FRMD3: variants seen among roughly 807,000 people sequenced by gnomAD.
The protein encoded by FRMD3 is FERM domain-containing protein 3.
Under a neutral mutation model 70.2 loss-of-function variants are expected in FRMD3, and 33 were observed. The observed-to-expected ratio is 0.47, with a 90% CI of 0.36 to 0.63. The LOEUF (loss-of-function observed/expected upper bound fraction) is 0.63, where lower values mean the gene tolerates loss of function less well. Ranked by LOEUF, FRMD3 falls within the 20% of genes least tolerant of loss-of-function variation. The pLI is 0.00. For synonymous variants in FRMD3, 279 were observed against 255.9 expected, an observed-to-expected ratio of 1.09 and a Z score of -0.86; for missense variants, 632 against 711.4, an observed-to-expected ratio of 0.89 and a Z score of 1.27.
At chr9:83,550,723 T>C in the FRMD3 span, among the ~76,000 whole-genome samples, 19 of 150,496 alleles carry the variant, frequency 1.3e-4, no homozygotes, top group South Asian at 2.1e-4. Flanking sequence ...TGTGTGTGTG[T>C]GCATTCATGT....
rs375002917 is a variant in FRMD3, at chr9:83,248,194, A to T, written c.1518T>A (p.Arg506=). 7.7e-5 allele frequency: 124 copies of T among 1,614,090 alleles called. No individual in the cohort carries two copies. Among genetic ancestry groups the T allele is most frequent in the Non-Finnish European group, 1.0e-4 (121 of 1,180,044 alleles). The part of the protein sequence containing the change: ...AEEEELKEAR[R]ALSWSYDILT... The stretch of plus-strand genomic sequence containing the variant: ...GAATGTCATAGCTCCACGACAAAGC[A>T]CGGCGAGCCTCCTTCAGCTCCTCTT... The change falls in exon 14 of 14, where the codon CGT becomes CGA. Residue 506 remains arginine, a synonymous_variant. Coordinates refer to ENST00000304195, the MANE Select transcript of FRMD3 (RefSeq NM_174938.6).
In FRMD3 at chr9:83,518,891, A is replaced by G. The variant is rs1829510796; in HGVS notation, c.147+19194T>C. On this transcript the variant is annotated intron_variant, in intron 1 of 13. Coordinates refer to ENST00000304195, the MANE Select transcript of FRMD3 (RefSeq NM_174938.6). The stretch of plus-strand genomic sequence containing the variant: ...AACCTGACAAAAACAAGCAACGGGG[A>G]AAGGATTCCCTATTTAATAAATGAT... Among the ~76,000 whole-genome samples the G allele has an allele frequency of 2.0e-5, 3 of 152,250 alleles. No homozygotes were observed. In the South Asian group the frequency reaches 6.2e-4, roughly 32 times the overall value.
At chr9:83,462,263 G>A (rs1453253969) in intron 1 of FRMD3, among the ~76,000 whole-genome samples, 1 of 152,158 alleles carries the variant, frequency 6.6e-6, no homozygotes, top group Non-Finnish European at 1.5e-5. Flanking sequence ...GGGCTGGAAG[G>A]AAATTTGATC....
At chr9:83,290,207 C>T (rs1445978749) in intron 13 of FRMD3, among the ~76,000 whole-genome samples, 1 of 152,144 alleles carries the variant, frequency 6.6e-6, no homozygotes, top group African/African-American at 2.4e-5. Flanking sequence ...AATATGGCAG[C>T]CACCAGCCAC....
chr9:83,337,216 C>A (rs986917798), intron 5 of FRMD3, among the ~76,000 whole-genome samples: 2 of 152,114 alleles, frequency 1.3e-5, no homozygotes. Flanking sequence ...TTCTTCCCAC[C>A]CTTGAAGTGC....
Position 83,372,383 on chromosome 9 carries a change from AAAAG to A in FRMD3, c.295+526_295+529del, listed in dbSNP as rs1415699615. Among the ~76,000 whole-genome samples the A allele has an allele frequency of 5.2e-3, 788 of 151,406 alleles. 8 individuals carry two copies. Among genetic ancestry groups the A allele is most frequent in the African/African-American group, 0.018 (733 of 41,004 alleles). ...AGAGAGAGAGACGAAAAAAAAAAAA[AAAAG>A]AAGTTCAGAACATCGGAGATTTAAA... On this transcript the variant is annotated intron_variant, in intron 3 of 13. Coordinates refer to ENST00000304195, the MANE Select transcript of FRMD3 (RefSeq NM_174938.6).
At chr9:83,536,509 G>A (rs1480884230) in intron 1 of FRMD3, among the ~76,000 whole-genome samples, 2 of 152,172 alleles carry the variant, frequency 1.3e-5, no homozygotes, top group Non-Finnish European at 2.9e-5. Flanking sequence ...AAAGCAAAGT[G>A]CACAGTCCAC....
At chr9:83,354,374 C>G (rs190665198) in intron 3 of FRMD3, among the ~76,000 whole-genome samples, 8 of 152,282 alleles carry the variant, frequency 5.3e-5, no homozygotes, top group African/African-American at 1.9e-4. Flanking sequence ...AGCTGGAAGC[C>G]ATTATCCTAG....
At chr9:83,570,427 G>A in the FRMD3 span, among the ~76,000 whole-genome samples, 1 of 152,194 alleles carries the variant, frequency 6.6e-6, no homozygotes, top group African/African-American at 2.4e-5. Flanking sequence ...GCAATTTCAT[G>A]TGATTTAATC....
At chr9:83,366,698 T>C (rs1824797960) in intron 3 of FRMD3, among the ~76,000 whole-genome samples, 1 of 152,216 alleles carries the variant, frequency 6.6e-6, no homozygotes. Flanking sequence ...AGGAAAATAA[T>C]ATTGCATTTC....
chr9:83,463,716 C>A (rs1343876628), intron 1 of FRMD3, among the ~76,000 whole-genome samples: 2 of 152,296 alleles, frequency 1.3e-5, no homozygotes, highest in Admixed American at 6.5e-5. Context: ...AAAGAAAGTG[C>A]TCTGCCCACC....
chr9:83,250,016 C>A (rs1481343681), intron 13 of FRMD3, among the ~76,000 whole-genome samples: 1 of 152,208 alleles, frequency 6.6e-6, no homozygotes, highest in Non-Finnish European at 1.5e-5. Context: ...CAATTAGAGG[C>A]AGCTGTGGTC....
At chr9:83,451,060 TTTG>T (rs1468701396) in intron 1 of FRMD3, among the ~76,000 whole-genome samples, 1 of 152,178 alleles carries the variant, frequency 6.6e-6, no homozygotes, top group Non-Finnish European at 1.5e-5. Flanking sequence ...TCACGAGCAA[TTTG>T]TTTTTATGAC....
At position 83,352,324 on chromosome 9, in the gene FRMD3, C is replaced by G. The variant is rs189782323; in HGVS notation, c.296-2567G>C. Among the ~76,000 whole-genome samples, 7 of 152,302 alleles carry G rather than the reference C, an allele frequency of 4.6e-5. No individual in the cohort carries two copies. In the East Asian group the frequency reaches 1.4e-3, roughly 29 times the overall value. Reference sequence around the variant, plus strand: ...ATCAGCAATTTATAAAAAGGAAGATCACAGAAAATGGCCCCAAACGAGAGC... The same window carrying G: ...ATCAGCAATTTATAAAAAGGAAGATGACAGAAAATGGCCCCAAACGAGAGC... On this transcript the variant is annotated intron_variant, in intron 3 of 13. Transcript: ENST00000304195.
At chr9:83,493,036 CCT>C (rs1828864893) in intron 1 of FRMD3, among the ~76,000 whole-genome samples, 1 of 152,044 alleles carries the variant, frequency 6.6e-6, no homozygotes, top group African/African-American at 2.4e-5. Context: ...TTCTAGAATC[CCT>C]CCCTTGACTT....
At chr9:83,309,696 T>C (rs1535749) in intron 9 of FRMD3, 72 bp from the exon 10 acceptor site, 24 of 918,258 alleles carry the variant, frequency 2.6e-5, no homozygotes, top group Non-Finnish European at 3.9e-5. Flanking sequence ...TTTTTTTTTT[T>C]CAGGTGTTTA....
chr9:83,365,586 A>G (rs973849655), intron 3 of FRMD3, among the ~76,000 whole-genome samples: 1 of 151,994 alleles, frequency 6.6e-6, no homozygotes, highest in Non-Finnish European at 1.5e-5. Flanking sequence ...AGAGGACAAA[A>G]GCCAGTTTAG....
chr9:83,441,879 A>G (rs888291649), intron 1 of FRMD3, among the ~76,000 whole-genome samples: 1 of 152,048 alleles, frequency 6.6e-6, no homozygotes, highest in Admixed American at 6.6e-5. Flanking sequence ...TGCCAAAAAA[A>G]GGCCAGTATG....
At chr9:83,348,944 T>C (rs1289298744) in intron 4 of FRMD3, among the ~76,000 whole-genome samples, 1 of 152,192 alleles carries the variant, frequency 6.6e-6, no homozygotes, top group Non-Finnish European at 1.5e-5. Context: ...TTACACTTGC[T>C]TTTCTGTTGC....
Sources: gnomAD v4.1 joint callset for allele counts (sites outside exome capture counted in the v4.1 genomes callset) on GRCh38, gnomAD v4.1.1 for gene constraint, MANE v1.5 for transcripts, NCBI Gene and HGNC (gene_info 2026-07-23, HGNC 2026-07-21) for gene names.